MACROD2: variants seen among roughly 807,000 people sequenced by gnomAD.
MACROD2 encodes the protein ADP-ribose glycohydrolase MACROD2.
A neutral mutation model predicts 70.4 loss-of-function variants in MACROD2; 36 were observed. The ratio of observed to expected loss-of-function variants is 0.51; its 90% CI spans 0.39 to 0.68. The LOEUF is 0.68. Among genes scored for constraint, MACROD2 ranks in the 30% least tolerant of loss-of-function variants. The pLI, the probability that MACROD2 is intolerant of heterozygous loss-of-function variation, is 0.00. For missense variants in MACROD2, 496 were observed against 538.4 expected (o/e 0.92, Z 0.78); for synonymous variants, 172 against 178.8 (o/e 0.96, Z 0.30).
chr20:15,045,314 A>G (rs1422751069), intron 5 of MACROD2, among the ~76,000 whole-genome samples: 1 of 152,180 alleles, frequency 6.6e-6, no homozygotes, highest in Non-Finnish European at 1.5e-5. Flanking sequence ...AATCCCAAAC[A>G]TCCAGTAAAA....
intron 8 of MACROD2, among the ~76,000 whole-genome samples, chr20:15,764,524 C>T (rs982514855): frequency 6.6e-6 from 1 of 152,158 alleles, no homozygotes; most frequent in Admixed American, 6.5e-5. Flanking sequence ...TTTACTCAGA[C>T]CCAAGCCTAG....
intron 8 of MACROD2, among the ~76,000 whole-genome samples, chr20:15,635,784 G>T (rs572829185): frequency 6.6e-6 from 1 of 152,058 alleles, no homozygotes; most frequent in Non-Finnish European, 1.5e-5. Flanking sequence ...ATCCCCAAGG[G>T]CAGCTGGGCA....
In MACROD2 at chr20:15,254,846, A is replaced by G. The variant is rs189408271; in HGVS notation, c.540+24785A>G. On this transcript the variant is annotated intron_variant, in intron 6 of 17. Transcript: ENST00000684519. ...AGATAGAATTCAGATCTATCTGACT[A>G]CAAAGCCCAAGCTTGTGGACTTACC... Among the ~76,000 whole-genome samples, 851 of 152,046 alleles carry G rather than the reference A, an allele frequency of 5.6e-3. 5 individuals carry two copies. Among genetic ancestry groups the G allele is most frequent in the African/African-American group, 0.02 (828 of 41,486 alleles).
At chr20:15,697,311 C>T (rs545156386) in intron 8 of MACROD2, among the ~76,000 whole-genome samples, 1 of 152,138 alleles carries the variant, frequency 6.6e-6, no homozygotes, top group African/African-American at 2.4e-5. Context: ...CATTTTTGAC[C>T]CAATGCTCAT....
chr20:15,818,070 C>G (rs1398424258), intron 8 of MACROD2, among the ~76,000 whole-genome samples: 1 of 152,146 alleles, frequency 6.6e-6, no homozygotes, highest in Non-Finnish European at 1.5e-5. Flanking sequence ...TTTTGTCCCA[C>G]CCTGTGGTGG....
intron 5 of MACROD2, among the ~76,000 whole-genome samples, chr20:14,981,720 T>G (rs1207443421): frequency 6.6e-6 from 1 of 152,136 alleles, no homozygotes; most frequent in Admixed American, 6.5e-5. Context: ...CCTTCCACCA[T>G]GATTGTGAGG....
intron 4 of MACROD2, among the ~76,000 whole-genome samples, chr20:14,501,552 T>G (rs958065563): frequency 6.6e-6 from 1 of 152,118 alleles, no homozygotes; most frequent in African/African-American, 2.4e-5. Context: ...GTCACTTGTT[T>G]CCATTTTACT....
chr20:15,083,332 C>A (rs2075719440), intron 5 of MACROD2, among the ~76,000 whole-genome samples: 1 of 152,164 alleles, frequency 6.6e-6, no homozygotes, highest in African/African-American at 2.4e-5. Flanking sequence ...CAGACACACA[C>A]CCTATTTTCT....
intron 7 of MACROD2, among the ~76,000 whole-genome samples, chr20:15,478,560 T>C (rs2047053480): frequency 6.6e-6 from 1 of 151,986 alleles, no homozygotes. Context: ...TGTCTGTGTG[T>C]GTGTGTGTGT....
chr20:15,871,167 C>T (rs750127884), intron 9 of MACROD2, among the ~76,000 whole-genome samples: 181 of 103,892 alleles, frequency 1.7e-3, no homozygotes, highest in Non-Finnish European at 2.4e-3. Context: ...CAGAGCGAGA[C>T]TCCATCTCAA....
chr20:15,530,672 G>A (rs961650069), intron 8 of MACROD2, among the ~76,000 whole-genome samples: 17 of 139,566 alleles, frequency 1.2e-4, no homozygotes, highest in Admixed American at 1.5e-4. Flanking sequence ...CCGAGATTGC[G>A]CCACTGCACT....
chr20:16,002,503 A>G (rs1393087997), intron 15 of MACROD2, among the ~76,000 whole-genome samples: 3 of 152,140 alleles, frequency 2.0e-5, no homozygotes, highest in Non-Finnish European at 2.9e-5. Flanking sequence ...AGGGAAGGAG[A>G]TGCGTTGGTA....
At chr20:15,708,932 G>GCA (rs1394374966) in intron 8 of MACROD2, among the ~76,000 whole-genome samples, 5 of 152,130 alleles carry the variant, frequency 3.3e-5, no homozygotes, top group Non-Finnish European at 7.3e-5. Flanking sequence ...AGGCTAAGAT[G>GCA]GGAGGATCTT....
chr20:14,648,621 C>CATATATATATATATATATATAT (rs753035871), intron 4 of MACROD2, among the ~76,000 whole-genome samples: 47 of 148,780 alleles, frequency 3.2e-4, no homozygotes, highest in African/African-American at 9.0e-4. Context: ...TTTATTTAAA[C>CATATATATATATATATATATAT]ATATATATAT....
chr20:15,952,092 A>T (rs1038449326), intron 12 of MACROD2, among the ~76,000 whole-genome samples: 2 of 152,114 alleles, frequency 1.3e-5, no homozygotes, highest in Non-Finnish European at 2.9e-5. Flanking sequence ...GTTTCCCTGC[A>T]TAAGCTCTCT....
intron 17 of MACROD2, among the ~76,000 whole-genome samples, chr20:16,045,822 G>A (rs1439529521): frequency 6.6e-6 from 1 of 152,064 alleles, no homozygotes; most frequent in South Asian, 2.1e-4. Flanking sequence ...CACTGGACGG[G>A]GGCAGCGGGG....
intron 6 of MACROD2, among the ~76,000 whole-genome samples, chr20:15,243,794 C>T (rs186302199): frequency 2.6e-5 from 4 of 150,984 alleles, no homozygotes; most frequent in East Asian, 1.9e-4. Context: ...GGCGTAGTGG[C>T]GGGTGCCTGT....
rs989500171 is a variant in MACROD2 at position 15,802,858 on chromosome 20, A to G, written c.646-59887A>G. Among the ~76,000 whole-genome samples, 15 of 152,262 alleles carry G rather than the reference A, an allele frequency of 9.9e-5. No individual in the cohort carries two copies. In the East Asian group the frequency reaches 2.9e-3, roughly 29 times the overall value. On this transcript the variant is annotated intron_variant, in intron 8 of 17. Transcript: ENST00000684519. ...ACGTTACAACTGATACAACAAAAAT[A>G]CAAAGAATCATTAGAAATTATTATG...
intron 3 of MACROD2, among the ~76,000 whole-genome samples, chr20:14,445,788 C>T (rs749654069): frequency 1.3e-5 from 2 of 152,052 alleles, no homozygotes; most frequent in African/African-American, 4.8e-5. Flanking sequence ...CACCAATTGC[C>T]GTAATACATA....
Sources: allele counts gnomAD v4.1 joint callset (sites outside exome capture counted in the v4.1 genomes callset), GRCh38; gene constraint gnomAD v4.1.1; transcripts MANE v1.5; gene names NCBI Gene and HGNC (gene_info 2026-07-23, HGNC 2026-07-21).